The following ARHGEF9 variants were observed in gnomAD, a reference collection of about 807,000 sequenced individuals.
ARHGEF9 encodes Cdc42 guanine nucleotide exchange factor 9, also known as rho guanine nucleotide exchange factor 9.
A neutral mutation model predicts 41.3 loss-of-function variants in ARHGEF9; 2 were observed. The ratio of observed to expected loss-of-function variants is 0.05; its 90% CI spans 0.02 to 0.15. The LOEUF (loss-of-function observed/expected upper bound fraction) is 0.15, where lower values mean the gene tolerates loss of function less well. Ranked by LOEUF, ARHGEF9 falls within the 10% of genes least tolerant of loss-of-function variation. The pLI is 1.00. For missense variants in ARHGEF9, 225 were observed against 424.7 expected, an observed-to-expected ratio of 0.53 and a Z score of 4.13; for synonymous variants, 160 against 154.4, an observed-to-expected ratio of 1.04 and a Z score of -0.27.
At chrX:63,751,717 CCAGCAT>C (rs1460994129) in intron 1 of ARHGEF9, among the ~76,000 whole-genome samples, 1 of 111,802 alleles carries the variant, frequency 8.9e-6, no homozygotes, top group Non-Finnish European at 1.9e-5. Context: ...CCCATCCATC[CCAGCAT>C]TTGTGAAATC....
chrX:63,657,668 T>C, intron 7 of ARHGEF9: 1 of 111,499 alleles, frequency 9.0e-6, no homozygotes, highest in East Asian at 2.8e-4. Context: ...GGGTTCCTTT[T>C]ACCATGTTCA....
At chrX:63,716,559 G>A (rs184561901) in intron 2 of ARHGEF9, among the ~76,000 whole-genome samples, 3 of 111,602 alleles carry the variant, frequency 2.7e-5, no homozygotes, top group Admixed American at 9.5e-5. Flanking sequence ...TTGGGTGAAT[G>A]AATTTTTATT....
chrX:63,636,741 G>A lies in ARHGEF9; in HGVS notation c.*1287C>T. 1 of 294,470 alleles carries A rather than the reference G, an allele frequency of 3.4e-6. No homozygotes were observed. The highest frequency in any genetic ancestry group is 5.9e-6 in the Non-Finnish European group (1 of 168,622). 24.3% of individuals were successfully genotyped at this position (294,470 alleles called of 1,213,427 possible). A position where few individuals can be genotyped will look rare whatever the true frequency, so the allele number is the denominator to read the frequency against. On this transcript the variant is annotated 3_prime_UTR_variant, in exon 10 of 10. Transcript: ENST00000671741. Reference sequence around the variant, plus strand: ...AATTTTAGGGTGGTAGAAAATGCAGGTACAATACTGTGGATCAAGGCTATC... The same window carrying A: ...AATTTTAGGGTGGTAGAAAATGCAGATACAATACTGTGGATCAAGGCTATC...
intron 1 of ARHGEF9, among the ~76,000 whole-genome samples, chrX:63,782,229 T>C (rs192280361): frequency 1.1e-4 from 12 of 111,845 alleles, no homozygotes; most frequent in African/African-American, 2.3e-4. Flanking sequence ...GCAGATCCCC[T>C]ACATTTGTGT....
chrX:63,703,771 C>A (rs2052349971), intron 3 of ARHGEF9, among the ~76,000 whole-genome samples: 1 of 111,206 alleles, frequency 9.0e-6, no homozygotes, highest in South Asian at 3.8e-4. Context: ...AGGAAAGGGG[C>A]AGAGGCAGTG....
Position 63,678,403 on chromosome X carries a change from T to C in ARHGEF9, c.752A>G (p.Gln251Arg). ...AIDGFLLTPV[Q>R]KICKYPLQLA... ...CTGTAAGGGATACTTGCAGATCTTC[T>C]GCACTGGAGTCAAAAGGAAACCATC... Residue 251 changes from glutamine (Q) to arginine (R), a missense_variant, in exon 5 of 10, where the codon CAG becomes CGG. This residue lies in a region of ARHGEF9 where 36 missense variants were observed against 113.6 expected (regional missense o/e 0.32). Coordinates refer to ENST00000671741, the MANE Select transcript of ARHGEF9 (RefSeq NM_001353921.2). 8.3e-7 allele frequency: 1 copy of C among 1,207,132 alleles called. No individual in the cohort carries two copies. Among genetic ancestry groups the C allele is most frequent in the African/African-American group, 1.7e-5 (1 of 57,732 alleles).
intron 1 of ARHGEF9, chrX:63,754,922 T>G: frequency 4.3e-6 from 4 of 939,910 alleles, no homozygotes; most frequent in Non-Finnish European, 5.3e-6. Context: ...GGGGGGAACC[T>G]GTGAGTGGTT....
At chrX:63,738,178 G>T (rs782095865) in intron 1 of ARHGEF9, among the ~76,000 whole-genome samples, 1 of 111,540 alleles carries the variant, frequency 9.0e-6, no homozygotes, top group Non-Finnish European at 1.9e-5. Flanking sequence ...AAGTATCAAA[G>T]AATCTCCAAA....
intron 4 of ARHGEF9, among the ~76,000 whole-genome samples, chrX:63,686,498 G>T (rs1475925154): frequency 9.0e-6 from 1 of 111,156 alleles, no homozygotes; most frequent in Non-Finnish European, 1.9e-5. Flanking sequence ...CCTAAAACCC[G>T]ACTTGATCAC....
At chrX:63,775,222 T>C (rs1219491311) in intron 1 of ARHGEF9, among the ~76,000 whole-genome samples, 2 of 112,583 alleles carry the variant, frequency 1.8e-5, no homozygotes, top group African/African-American at 6.5e-5. Context: ...TTATACACTG[T>C]TAGTGGGAAT....
chrX:63,760,274 A>G (rs1385851886), intron 1 of ARHGEF9, among the ~76,000 whole-genome samples: 1 of 110,805 alleles, frequency 9.0e-6, no homozygotes, highest in Non-Finnish European at 1.9e-5. Flanking sequence ...TGCTTGCTAC[A>G]GTCTACAGAT....
chrX:63,652,374 C>A (rs1166175161), intron 8 of ARHGEF9, among the ~76,000 whole-genome samples: 5 of 111,033 alleles, frequency 4.5e-5, no homozygotes, highest in African/African-American at 1.6e-4. Context: ...GTTTTTATTC[C>A]CTAAACAATA....
chrX:63,697,230 A>G lies in ARHGEF9; in HGVS notation c.477T>C (p.Ile159=). ...DEQLKVIFGN[I]EDIYRFQMGF... ...CCATCTGAAATCTGTAGATATCTTC[A>G]ATGTTCCCAAAGATTACCTTCAGTT... The change falls in exon 4 of 10, where the codon ATT becomes ATC. Residue 159 remains isoleucine (I), a synonymous_variant. Coordinates refer to ENST00000671741, the MANE Select transcript of ARHGEF9 (RefSeq NM_001353921.2). 8.3e-7 allele frequency: 1 copy of G among 1,210,476 alleles called. No homozygotes were observed. The highest frequency in any genetic ancestry group is 1.8e-5 in the South Asian group (1 of 56,910).
At chrX:63,730,040 C>A (rs1384981205) in intron 1 of ARHGEF9, among the ~76,000 whole-genome samples, 2 of 111,199 alleles carry the variant, frequency 1.8e-5, no homozygotes, top group African/African-American at 6.6e-5. Context: ...ATTGCTATAC[C>A]CTGGAGGCAC....
At chrX:63,681,426 C>T (rs1556369266) in intron 4 of ARHGEF9, among the ~76,000 whole-genome samples, 1 of 111,965 alleles carries the variant, frequency 8.9e-6, no homozygotes. Context: ...TGATATAAAA[C>T]TACAAGTCAG....
At chrX:63,768,086 G>A (rs1486010186) in intron 1 of ARHGEF9, among the ~76,000 whole-genome samples, 1 of 111,979 alleles carries the variant, frequency 8.9e-6, no homozygotes, top group African/African-American at 3.3e-5. Flanking sequence ...AGCCACCCAA[G>A]TATTGTACAT....
chrX:63,669,207 A>T (rs1475286228), intron 6 of ARHGEF9, among the ~76,000 whole-genome samples: 1 of 111,317 alleles, frequency 9.0e-6, no homozygotes, highest in African/African-American at 3.3e-5. Context: ...CCACTTATAT[A>T]ACACATCTCT....
At chrX:63,711,805 T>C (rs1291087745) in intron 2 of ARHGEF9, among the ~76,000 whole-genome samples, 35 of 111,873 alleles carry the variant, frequency 3.1e-4, no homozygotes, top group African/African-American at 1.0e-3. Context: ...TCAACAAAAT[T>C]AAAAACTTTG....
At chrX:63,679,539 T>C (rs1369204689) in intron 4 of ARHGEF9, among the ~76,000 whole-genome samples, 1 of 111,430 alleles carries the variant, frequency 9.0e-6, no homozygotes, top group African/African-American at 3.3e-5. Context: ...AAAAGAATAA[T>C]ATACCATGAT....
Sources: allele counts gnomAD v4.1 joint callset (sites outside exome capture counted in the v4.1 genomes callset), GRCh38; gene constraint gnomAD v4.1.1; regional missense constraint gnomAD v4.1.1; transcripts MANE v1.5; gene names NCBI Gene and HGNC (gene_info 2026-07-23, HGNC 2026-07-21).